The following AGBL4 variants were observed in gnomAD, a reference collection of about 807,000 sequenced individuals.
The protein encoded by AGBL4 is cytosolic carboxypeptidase 6.
A neutral mutation model predicts 66.4 loss-of-function variants in AGBL4; 58 were observed. The observed-to-expected ratio is 0.87, with a 90% CI of 0.71 to 1.09. The LOEUF is 1.09. AGBL4 is among the 50% of genes least tolerant of loss of function. The pLI is 0.00. For synonymous variants in AGBL4, 234 were observed against 222.9 expected, an observed-to-expected ratio of 1.05 and a Z score of -0.44; for missense variants, 579 against 631.0, an observed-to-expected ratio of 0.92 and a Z score of 0.88.
chr1:49,951,197 A>G (rs1357620298), intron 1 of AGBL4, among the ~76,000 whole-genome samples: 1 of 151,862 alleles, frequency 6.6e-6, no homozygotes, highest in African/African-American at 2.4e-5. Flanking sequence ...CATGTTTGAA[A>G]ATTGCTAAGT....
chr1:49,866,332 G>A (rs1243362329), intron 1 of AGBL4, among the ~76,000 whole-genome samples: 1 of 151,862 alleles, frequency 6.6e-6, no homozygotes, highest in Non-Finnish European at 1.5e-5. Flanking sequence ...TCAAAATGAA[G>A]GAAAAAATGT....
At chr1:49,782,917 C>A (rs146817364) in intron 2 of AGBL4, among the ~76,000 whole-genome samples, 84 of 152,172 alleles carry the variant, frequency 5.5e-4, no homozygotes, top group African/African-American at 1.9e-3. Context: ...CTGTTTATTG[C>A]AAATTATTCA....
intron 1 of AGBL4, among the ~76,000 whole-genome samples, chr1:49,933,253 A>G (rs1162001612): frequency 6.6e-6 from 1 of 152,140 alleles, no homozygotes; most frequent in Admixed American, 6.5e-5. Context: ...CATCAGAGGG[A>G]GAGGGCATAT....
At chr1:49,479,289 AT>A (rs936255160) in intron 3 of AGBL4, among the ~76,000 whole-genome samples, 135 of 147,260 alleles carry the variant, frequency 9.2e-4, no homozygotes, top group Middle Eastern at 6.9e-3. Context: ...AAATATCTAG[AT>A]TTTTTTTTTT....
At chr1:48,773,712 G>A (rs1045421376) in intron 6 of AGBL4, among the ~76,000 whole-genome samples, 1 of 152,332 alleles carries the variant, frequency 6.6e-6, no homozygotes, top group Non-Finnish European at 1.5e-5. Flanking sequence ...GTGGGGGCCT[G>A]GCACTGGAAG....
At position 49,714,708 on chromosome 1, in the gene AGBL4, G is replaced by A. The variant is rs376889912; in HGVS notation, c.158-17271C>T. 3.4e-4 allele frequency among the ~76,000 whole-genome samples: 51 copies of A among 150,106 alleles called. 1 individual carries two copies. In the South Asian group the frequency reaches 9.7e-3, roughly 28 times the overall value. On this transcript the variant is annotated intron_variant, in intron 2 of 13. Coordinates refer to ENST00000371839, the MANE Select transcript of AGBL4 (RefSeq NM_032785.4). Reference sequence around the variant, plus strand: ...CTCTTGGATTGATTCCATTATCTTTGCTATTGTAAATAATGCTGCAATAAA... The same window carrying A: ...CTCTTGGATTGATTCCATTATCTTTACTATTGTAAATAATGCTGCAATAAA...
intron 5 of AGBL4, among the ~76,000 whole-genome samples, chr1:48,924,531 A>G (rs1246764552): frequency 6.6e-6 from 1 of 152,210 alleles, no homozygotes; most frequent in Non-Finnish European, 1.5e-5. Flanking sequence ...GACAAATTGA[A>G]GTAAACTAAT....
At chr1:49,598,050 T>C (rs1644883246) in intron 3 of AGBL4, among the ~76,000 whole-genome samples, 1 of 152,214 alleles carries the variant, frequency 6.6e-6, no homozygotes, top group Non-Finnish European at 1.5e-5. Flanking sequence ...CTTCCAATAC[T>C]ATATTGAATA....
intron 5 of AGBL4, among the ~76,000 whole-genome samples, chr1:48,989,604 C>A (rs930857988): frequency 6.6e-6 from 1 of 152,006 alleles, no homozygotes; most frequent in Non-Finnish European, 1.5e-5. Context: ...TTTAGCTCCC[C>A]AAAATAAGTG....
At chr1:49,740,174 A>G (rs1650309728) in intron 2 of AGBL4, among the ~76,000 whole-genome samples, 1 of 152,218 alleles carries the variant, frequency 6.6e-6, no homozygotes, top group Non-Finnish European at 1.5e-5. Flanking sequence ...GCAGAGACAC[A>G]CATAGGCTTA....
At chr1:48,709,778 A>G (rs1311965162) in intron 6 of AGBL4, among the ~76,000 whole-genome samples, 2 of 151,696 alleles carry the variant, frequency 1.3e-5, no homozygotes, top group Non-Finnish European at 2.9e-5. Context: ...ATTTTTTTGT[A>G]TTTTTAGTAG....
chr1:49,897,393 A>G (rs1649327662), intron 1 of AGBL4, among the ~76,000 whole-genome samples: 2 of 152,050 alleles, frequency 1.3e-5, no homozygotes, highest in African/African-American at 4.8e-5. Flanking sequence ...GAATTAACCT[A>G]ACCAAAGAAA....
chr1:49,245,982 G>C, intron 3 of AGBL4, 118 bp from the exon 4 acceptor site: 1 of 702,814 alleles, frequency 1.4e-6, no homozygotes, highest in Non-Finnish European at 2.4e-6. Context: ...GCAGGCAACT[G>C]TATAGTGAGA....
intron 4 of AGBL4, among the ~76,000 whole-genome samples, chr1:49,214,329 G>A (rs1447068311): frequency 6.6e-6 from 1 of 152,124 alleles, no homozygotes; most frequent in African/African-American, 2.4e-5. Context: ...TGGTGTAATT[G>A]GAGCAGAATT....
chr1:49,144,642 C>T (rs1286856985), intron 4 of AGBL4, among the ~76,000 whole-genome samples: 1 of 152,002 alleles, frequency 6.6e-6, no homozygotes, highest in Non-Finnish European at 1.5e-5. Context: ...GTCCTTACTT[C>T]AAGGACTAAA....
rs569773011 is a variant in AGBL4, at chr1:49,039,126, C to A, written c.594+6458G>T. On this transcript the variant is annotated intron_variant, in intron 5 of 13. Transcript: ENST00000371839. ...ATACAAATTTCAACTATATGGCATT[C>A]TAGAAAAGACAAAACTATGGGGACA... 2.6e-5 allele frequency among the ~76,000 whole-genome samples: 4 copies of A among 152,074 alleles called. 1 individual carries two copies. In the South Asian group the frequency reaches 8.3e-4, roughly 32 times the overall value.
chr1:49,213,481 A>T (rs1462312751), intron 4 of AGBL4, among the ~76,000 whole-genome samples: 2 of 151,816 alleles, frequency 1.3e-5, no homozygotes, highest in Non-Finnish European at 2.9e-5. Flanking sequence ...TGCCTGTTTG[A>T]AAGTGTGTGA....
intron 4 of AGBL4, among the ~76,000 whole-genome samples, chr1:49,113,297 C>T (rs967670662): frequency 1.3e-5 from 2 of 151,328 alleles, no homozygotes; most frequent in Admixed American, 6.6e-5. Context: ...CAGGCTGGAG[C>T]GCAGTGGTGT....
intron 1 of AGBL4, among the ~76,000 whole-genome samples, chr1:49,962,980 T>C (rs1210370636): frequency 6.6e-6 from 1 of 152,136 alleles, no homozygotes; most frequent in East Asian, 1.9e-4. Context: ...CATCAAATCA[T>C]GACACCTTCC....
Sources: allele counts gnomAD v4.1 joint callset (sites outside exome capture counted in the v4.1 genomes callset), GRCh38; gene constraint gnomAD v4.1.1; transcripts MANE v1.5; gene names NCBI Gene and HGNC (gene_info 2026-07-23, HGNC 2026-07-21).